GPN2: variants seen among roughly 807,000 people sequenced by gnomAD.
The protein encoded by GPN2 is ATP-binding domain 1 family member B.
A neutral mutation model predicts 30.1 loss-of-function variants in GPN2; 27 were observed. The observed-to-expected ratio is 0.90, with a 90% CI of 0.66 to 1.24. GPN2 has a LOEUF of 1.24. Among genes scored for constraint, GPN2 ranks in the 50% most tolerant of loss-of-function variants. The pLI is 0.00. For missense variants in GPN2, 406 were observed against 405.4 expected, an observed-to-expected ratio of 1.00 and a Z score of -0.01; for synonymous variants, 212 against 174.4, an observed-to-expected ratio of 1.22 and a Z score of -1.70.
chr1:26,884,245 T>C lies in GPN2; in HGVS notation c.775A>G (p.Asn259Asp), dbSNP rs1570692347. The stretch of plus-strand genomic sequence containing the variant: ...TCTTGGGCTCTGAAACAGTATCCAT[T>C]GGCTTTATCCACAGCCTGCAGGACT... ...QRVLQAVDKA[N>D]GYCFRAQEQR... Residue 259 changes from asparagine to aspartate, a missense_variant, in exon 4 of 5, where the codon AAT (asparagine) becomes GAT (aspartate). By Grantham distance (23) the Asn-to-Asp change is conservative. Coordinates refer to ENST00000374135, the MANE Select transcript of GPN2 (RefSeq NM_018066.4). 2 of 1,613,990 alleles carry C rather than the reference T, an allele frequency of 1.2e-6. No homozygotes were observed. The highest frequency in any genetic ancestry group is 1.7e-6 in the Non-Finnish European group (2 of 1,179,912).
In GPN2 at chr1:26,890,192, T is replaced by G; in HGVS notation, c.-96A>C. 2 of 1,094,244 alleles carry G rather than the reference T, an allele frequency of 1.8e-6. No homozygotes were observed. The highest frequency in any genetic ancestry group is 1.3e-6 in the Non-Finnish European group (1 of 792,892). 67.8% of individuals were successfully genotyped at this position (1,094,244 alleles called of 1,614,324 possible). On this transcript the variant is annotated 5_prime_UTR_variant, in exon 1 of 5. Coordinates refer to ENST00000374135, the MANE Select transcript of GPN2 (RefSeq NM_018066.4). ...CTGAGGGCGAGGGTCCCAGTACGTATACCTCGTTGGCGGCCAGCGTCACTC... is the reference window on the plus strand; with the variant it reads ...CTGAGGGCGAGGGTCCCAGTACGTAGACCTCGTTGGCGGCCAGCGTCACTC...
At position 26,889,058 on chromosome 1, in the gene GPN2, C is replaced by T; in HGVS notation, c.479G>A (p.Cys160Tyr). 6.2e-7 allele frequency: 1 copy of T among 1,614,012 alleles called. No homozygotes were observed. Among genetic ancestry groups the T allele is most frequent in the Non-Finnish European group, 8.5e-7 (1 of 1,179,860 alleles). Residue 160 changes from cysteine to tyrosine, a missense_variant, in exon 2 of 5, where the codon TGT becomes TAT. Transcript: ENST00000374135. ...GTGCAGCATGGTGGCCAGGGAGGTA[C>T]ACAGTACTGAAATGAACTTGGCAGG... ...TDPAKFISVL[C>Y]TSLATMLHVE...
intron 4 of GPN2, among the ~76,000 whole-genome samples, chr1:26,880,312 CCTTT>C (rs1271516778): frequency 3.9e-5 from 6 of 152,120 alleles, no homozygotes; most frequent in African/African-American, 7.2e-5. Flanking sequence ...GAGTTACAGA[CCTTT>C]CTTTTTCTTT....
At chr1:26,881,366 G>A (rs1371038887) in intron 4 of GPN2, among the ~76,000 whole-genome samples, 1 of 152,144 alleles carries the variant, frequency 6.6e-6, no homozygotes, top group Non-Finnish European at 1.5e-5. Flanking sequence ...ATAAAGTATT[G>A]AATATCTCAT....
intron 2 of GPN2, 103 bp from the exon 3 acceptor site, chr1:26,886,236 T>C (rs1450700627): frequency 2.7e-6 from 2 of 729,398 alleles, no homozygotes; most frequent in African/African-American, 3.6e-5. Flanking sequence ...TGCACTCAAA[T>C]ATTTCTTGAC....
At position 26,876,178 on chromosome 1, in the gene GPN2, T is replaced by C. The variant is rs969221032; in HGVS notation, c.*3499A>G. 6.6e-6 allele frequency: 1 copy of C among 151,678 alleles called. No homozygotes were observed. Among genetic ancestry groups the C allele is most frequent in the Non-Finnish European group, 1.5e-5 (1 of 67,948 alleles). The allele number at this position is 151,678 out of a possible 1,614,324, so 9.4% of individuals were successfully genotyped here. On this transcript the variant is annotated 3_prime_UTR_variant, in exon 5 of 5. Coordinates refer to ENST00000374135, the MANE Select transcript of GPN2 (RefSeq NM_018066.4). ...TTTTTCTCTTAAACAGATGACCCCA[T>C]AGAAAGTTTCCGTTATGGGATTCTG...
At chr1:26,886,211 T>A (rs2081890283) in intron 2 of GPN2, 78 bp from the exon 3 acceptor site, 1 of 961,338 alleles carries the variant, frequency 1.0e-6, no homozygotes, top group East Asian at 2.5e-5. Flanking sequence ...TTTCCTTTTT[T>A]CCTTTGTGCA....
At chr1:26,880,379 C>A (rs1429865335) in intron 4 of GPN2, among the ~76,000 whole-genome samples, 1 of 152,184 alleles carries the variant, frequency 6.6e-6, no homozygotes, top group African/African-American at 2.4e-5. Context: ...GTGGCGCGAT[C>A]TCGGCTCACC....
chr1:26,879,880 A>C, intron 4 of GPN2, 131 bp from the exon 5 acceptor site: 2 of 683,340 alleles, frequency 2.9e-6, no homozygotes, highest in East Asian at 5.5e-5. Context: ...TATAGGGACC[A>C]ATCAGGTATG....
chr1:26,885,649 G>C lies in GPN2; in HGVS notation c.729+324C>G, dbSNP rs538931145. ...GGCTGGAGAGCAATGGCGTGGTCTCGGCTCACTGCAAGCTCTGCCTCACGG... is the reference window on the plus strand; with the variant it reads ...GGCTGGAGAGCAATGGCGTGGTCTCCGCTCACTGCAAGCTCTGCCTCACGG... On this transcript the variant is annotated intron_variant, in intron 3 of 4. Coordinates refer to ENST00000374135, the MANE Select transcript of GPN2 (RefSeq NM_018066.4). Among the ~76,000 whole-genome samples, 4 of 149,010 alleles carry C rather than the reference G, an allele frequency of 2.7e-5. No homozygotes were observed. The East Asian group carries it at 7.9e-4, about 30-fold the overall frequency.
At chr1:26,889,628 G>A in intron 1 of GPN2, 58 bp downstream of exon 1, 1 of 1,485,080 alleles carries the variant, frequency 6.7e-7, no homozygotes, top group South Asian at 1.3e-5. Context: ...CGTGGCGTCT[G>A]TCCTCCCTGT....
rs559509567 is a variant in GPN2, at chr1:26,889,939, G to A, written c.158C>T (p.Pro53Leu). The A allele has an allele frequency of 4.7e-5, 76 of 1,609,194 alleles. 2 individuals carry two copies. In the South Asian group the frequency reaches 8.2e-4, roughly 17 times the overall value. ...GCCCACGTCCACGGCACACTCGTAC[G>A]GCAGCCCCTCGTTGGCCGGGTCCAG... is the stretch of plus-strand genomic sequence containing the variant. ...VNLDPANEGL[P>L]YECAVDVGEL... Residue 53 changes from proline to leucine, a missense_variant, in exon 1 of 5, where the codon CCG becomes CTG. Physicochemically the swap from Pro to Leu is moderately conservative, Grantham distance 98. Transcript: ENST00000374135.
At position 26,879,698 on chromosome 1, in the gene GPN2, C is replaced by T; in HGVS notation, c.912G>A (p.Glu304=). Reference sequence around the variant, plus strand: ...GTTGCTACAGCTGCATGGCTTCCTGCTCCACTGACTGGTTCGAGGGTGCCA... The same window carrying T: ...GTTGCTACAGCTGCATGGCTTCCTGTTCCACTGACTGGTTCGAGGGTGCCA... ...KYLAPSNQSV[E]QEAMQL The change falls in exon 5 of 5, where the codon GAG becomes GAA. Residue 304 remains glutamate, a synonymous_variant. Coordinates refer to ENST00000374135, the MANE Select transcript of GPN2 (RefSeq NM_018066.4). 1 of 1,613,842 alleles carries T rather than the reference C, an allele frequency of 6.2e-7. No homozygotes were observed. Among genetic ancestry groups the T allele is most frequent in the Middle Eastern group, 1.7e-4 (1 of 6,060 alleles).
rs2081836185 is a variant in GPN2, at chr1:26,876,220, T to G, written c.*3457A>C. 6.7e-6 allele frequency: 1 copy of G among 149,948 alleles called. No individual in the cohort carries two copies. The highest frequency in any genetic ancestry group is 2.4e-5 in the African/African-American group (1 of 41,084). 9.3% of individuals were successfully genotyped at this position (149,948 alleles called of 1,614,324 possible). ...GGGATTCTGGGTGACTCATTTTCGT[T>G]TTTTTTTTTTTTGAGATGTACTTTC... On this transcript the variant is annotated 3_prime_UTR_variant, in exon 5 of 5. Coordinates refer to ENST00000374135, the MANE Select transcript of GPN2 (RefSeq NM_018066.4).
In GPN2 at chr1:26,879,489, G is replaced by T; in HGVS notation, c.*188C>A. The T allele has an allele frequency of 1.7e-6, 1 of 605,082 alleles. No homozygotes were observed. 37.5% of individuals were successfully genotyped at this position (605,082 alleles called of 1,614,324 possible). Reference sequence around the variant, plus strand: ...AGCTCACGGACACCACTGACAGTATGGGGGGTGTTCTGCTTGGCACCATGT... The same window carrying T: ...AGCTCACGGACACCACTGACAGTATTGGGGGTGTTCTGCTTGGCACCATGT... On this transcript the variant is annotated 3_prime_UTR_variant, in exon 5 of 5. Coordinates refer to ENST00000374135, the MANE Select transcript of GPN2 (RefSeq NM_018066.4).
Position 26,886,055 on chromosome 1 carries a change from C to A in GPN2, c.647G>T (p.Arg216Leu). The A allele has an allele frequency of 1.2e-6, 2 of 1,613,086 alleles. No individual in the cohort carries two copies. The highest frequency in any genetic ancestry group is 1.7e-6 in the Non-Finnish European group (2 of 1,179,166). Residue 216 changes from arginine (R) to leucine (L), a missense_variant, in exon 3 of 5, where the codon CGC becomes CTC. Arg to Leu is a moderately radical substitution (Grantham distance 102). Coordinates refer to ENST00000374135, the MANE Select transcript of GPN2 (RefSeq NM_018066.4). ...LDHLASDPFF[R>L]HYRQLNEKLV... ...CTTCTCATTGAGCTGGCGGTAGTGG[C>A]GGAAGAAAGGGTCAGAAGCCAGGTG...
At chr1:26,883,810 T>A (rs1357167401) in intron 4 of GPN2, among the ~76,000 whole-genome samples, 1 of 143,766 alleles carries the variant, frequency 7.0e-6, no homozygotes, top group African/African-American at 2.6e-5. Flanking sequence ...AAAAAAGAAA[T>A]TGGGTGGATC....
rs892483637 is a variant in GPN2, at chr1:26,886,067, T to A, written c.635A>T (p.Asp212Val). ...LSYLLDHLAS[D>V]PFFRHYRQLN... ...CTGGCGGTAGTGGCGGAAGAAAGGG[T>A]CAGAAGCCAGGTGGTCAAGCAGGTA... Residue 212 changes from aspartate to valine, a missense_variant, in exon 3 of 5, where the codon GAC (aspartate) becomes GTC (valine). By Grantham distance (152) the Asp-to-Val change is radical. Coordinates refer to ENST00000374135, the MANE Select transcript of GPN2 (RefSeq NM_018066.4). 6.2e-7 allele frequency: 1 copy of A among 1,613,238 alleles called. No homozygotes were observed. The highest frequency in any genetic ancestry group is 1.7e-5 in the Admixed American group (1 of 59,984).
rs1156318019 is a variant in GPN2, at chr1:26,876,366, C to A, written c.*3311G>T. On this transcript the variant is annotated 3_prime_UTR_variant, in exon 5 of 5. Transcript: ENST00000374135. Reference sequence around the variant, plus strand: ...AAGTAGCTGGAATTACAGGCGCATGCCACCATGCCCTGCTCATTTTTTTGT... The same window carrying A: ...AAGTAGCTGGAATTACAGGCGCATGACACCATGCCCTGCTCATTTTTTTGT... 1 of 152,174 alleles carries A rather than the reference C, an allele frequency of 6.6e-6. No homozygotes were observed. The highest frequency in any genetic ancestry group is 2.4e-5 in the African/African-American group (1 of 41,434). The allele number at this position is 152,174 out of a possible 1,614,324, so 9.4% of individuals were successfully genotyped here.
Sources: allele counts gnomAD v4.1 joint callset (sites outside exome capture counted in the v4.1 genomes callset), GRCh38; gene constraint gnomAD v4.1.1; transcripts MANE v1.5; gene names NCBI Gene and HGNC (gene_info 2026-07-23, HGNC 2026-07-21).